Variants in HIVEP3 observed in about 807,000 individuals in gnomAD.
HIVEP3 encodes transcription factor HIVEP3.
A neutral mutation model predicts 152.8 loss-of-function variants in HIVEP3; 49 were observed. The observed-to-expected ratio is 0.32, with a 90% CI of 0.26 to 0.41. HIVEP3 has a LOEUF of 0.41. Among genes scored for constraint, HIVEP3 ranks in the 10% least tolerant of loss-of-function variants. The pLI, the probability that HIVEP3 is intolerant of heterozygous loss-of-function variation, is 1.00. For missense variants in HIVEP3, 2,790 were observed against 3,103.3 expected (o/e 0.90, Z 2.40); for synonymous variants, 1,269 against 1,289.0 (o/e 0.98, Z 0.33).
At chr1:41,946,369 G>C (rs981315976) in intron 1 of HIVEP3, among the ~76,000 whole-genome samples, 1 of 152,136 alleles carries the variant, frequency 6.6e-6, no homozygotes, top group Non-Finnish European at 1.5e-5. Flanking sequence ...TGACCATTGA[G>C]AGCCAGGAAG....
At chr1:41,761,405 C>A (rs1647672169) in intron 1 of HIVEP3, among the ~76,000 whole-genome samples, 1 of 151,400 alleles carries the variant, frequency 6.6e-6, no homozygotes, top group Non-Finnish European at 1.5e-5. Flanking sequence ...TATGTGTGCA[C>A]ATGCATGTGC....
At chr1:41,621,657 G>A (rs1284091081) in intron 3 of HIVEP3, among the ~76,000 whole-genome samples, 4 of 152,218 alleles carry the variant, frequency 2.6e-5, no homozygotes, top group Non-Finnish European at 4.4e-5. Context: ...GACTACAGGA[G>A]TATGACCACC....
intron 7 of HIVEP3, among the ~76,000 whole-genome samples, chr1:41,515,250 C>T (rs970624568): frequency 6.6e-6 from 1 of 152,236 alleles, no homozygotes; most frequent in Non-Finnish European, 1.5e-5. Flanking sequence ...GGCCAGAAAG[C>T]CCGGAACTAG....
intron 3 of HIVEP3, among the ~76,000 whole-genome samples, chr1:41,613,931 G>A (rs1244105853): frequency 1.3e-5 from 2 of 152,192 alleles, no homozygotes; most frequent in Non-Finnish European, 2.9e-5. Context: ...TTTTGTGTCT[G>A]GCTTCTTTCA....
At chr1:41,660,675 T>C (rs542008976) in intron 2 of HIVEP3, among the ~76,000 whole-genome samples, 1 of 152,330 alleles carries the variant, frequency 6.6e-6, no homozygotes, top group Admixed American at 6.5e-5. Flanking sequence ...CACTGTTTCC[T>C]TGGAGAGCAA....
chr1:41,516,312 C>G, intron 7 of HIVEP3, among the ~76,000 whole-genome samples: 1 of 152,312 alleles, frequency 6.6e-6, no homozygotes, highest in South Asian at 2.1e-4. Flanking sequence ...TGGGCAGGGC[C>G]GGGGCGCCTG....
At chr1:41,852,309 C>T (rs1259853865) in intron 1 of HIVEP3, among the ~76,000 whole-genome samples, 3 of 152,242 alleles carry the variant, frequency 2.0e-5, no homozygotes, top group East Asian at 1.9e-4. Flanking sequence ...GGGCAGCCAA[C>T]AGGAAGCCCA....
In HIVEP3 at chr1:41,615,594, A is replaced by G. The variant is rs566269226; in HGVS notation, c.-522+13155T>C. On this transcript the variant is annotated intron_variant, in intron 3 of 8. Transcript: ENST00000372583. ...GCCGGTGGACATTTAGATGTAACCA[A>G]AGGCTGAAACTCACCAAAAGAGTCT... 2.0e-5 allele frequency among the ~76,000 whole-genome samples: 3 copies of G among 152,246 alleles called. No individual in the cohort carries two copies. The South Asian group carries it at 6.2e-4, about 31-fold the overall frequency.
chr1:41,515,078 T>G (rs1006765454), intron 7 of HIVEP3, among the ~76,000 whole-genome samples: 1 of 152,206 alleles, frequency 6.6e-6, no homozygotes, highest in Non-Finnish European at 1.5e-5. Flanking sequence ...GTTTCTGGTC[T>G]GCAGAGTGAG....
At chr1:41,923,922 A>C (rs1243771094), upstream of HIVEP3, among the ~76,000 whole-genome samples, 5 of 152,316 alleles carry the variant, frequency 3.3e-5, no homozygotes, top group Non-Finnish European at 7.3e-5. Flanking sequence ...TAATAGTGGA[A>C]AGAAAAGCAT....
intron 1 of HIVEP3, among the ~76,000 whole-genome samples, chr1:41,772,675 C>A (rs1273218998): frequency 6.6e-6 from 1 of 152,066 alleles, no homozygotes; most frequent in South Asian, 2.1e-4. Context: ...TTTGGGAGGC[C>A]GAGGTAGGTG....
intron 5 of HIVEP3, among the ~76,000 whole-genome samples, chr1:41,549,001 A>G (rs1192666205): frequency 6.6e-6 from 1 of 152,030 alleles, no homozygotes; most frequent in Admixed American, 6.6e-5. Context: ...AGGTAATGCT[A>G]TCCCTAATGC....
intron 3 of HIVEP3, among the ~76,000 whole-genome samples, chr1:41,590,340 C>T (rs78616675): frequency 0.033 from 5,084 of 152,332 alleles, 313 homozygotes; most frequent in African/African-American, 0.12. Context: ...GGCCCCCAAG[C>T]TGGGTCTATG....
chr1:41,544,738 T>TCAC (rs1407330561), intron 5 of HIVEP3, among the ~76,000 whole-genome samples: 27 of 66,860 alleles, frequency 4.0e-4, no homozygotes, highest in Non-Finnish European at 5.0e-4. Context: ...ACCGCTACCA[T>TCAC]CACCACCACT....
At chr1:41,809,869 C>T (rs1650847879) in intron 1 of HIVEP3, among the ~76,000 whole-genome samples, 2 of 152,230 alleles carry the variant, frequency 1.3e-5, no homozygotes, top group Non-Finnish European at 2.9e-5. Context: ...ACCATCTCGC[C>T]GAGTCCATGC....
chr1:41,784,772 A>G (rs761829523), intron 1 of HIVEP3, among the ~76,000 whole-genome samples: 2 of 152,206 alleles, frequency 1.3e-5, no homozygotes, highest in Non-Finnish European at 2.9e-5. Flanking sequence ...TTACAACCAC[A>G]TCTCCGTTTA....
intron 1 of HIVEP3, among the ~76,000 whole-genome samples, chr1:41,851,905 GAGACCAA>G (rs1392688284): frequency 6.6e-6 from 1 of 152,170 alleles, no homozygotes; most frequent in East Asian, 1.9e-4. Flanking sequence ...AGATGTTTTT[GAGACCAA>G]AGAGTTGGGT....
chr1:41,813,200 GCT>G (rs1415985309), intron 1 of HIVEP3, among the ~76,000 whole-genome samples: 3 of 152,102 alleles, frequency 2.0e-5, no homozygotes, highest in Non-Finnish European at 2.9e-5. Flanking sequence ...GGGCTCTGAG[GCT>G]CTGGGTTCCA....
intron 3 of HIVEP3, among the ~76,000 whole-genome samples, chr1:41,605,358 TACACACACGCACACGCGCACAC>T (rs1461899841): frequency 7.7e-6 from 1 of 130,676 alleles, no homozygotes; most frequent in Admixed American, 8.1e-5. Flanking sequence ...AGATATTACA[TACACACACGCACACGCGCACAC>T]ACACACACAC....
Sources: allele counts gnomAD v4.1 joint callset (sites outside exome capture counted in the v4.1 genomes callset), GRCh38; gene constraint gnomAD v4.1.1; transcripts MANE v1.5; gene names NCBI Gene and HGNC (gene_info 2026-07-23, HGNC 2026-07-21).